The following GNAZ variants were observed in gnomAD, a reference collection of about 807,000 sequenced individuals.
GNAZ encodes G protein subunit alpha z, also known as guanine nucleotide-binding protein G(z) subunit alpha.
Under a neutral mutation model 25.4 loss-of-function variants are expected in GNAZ, and 3 were observed. The ratio of observed to expected loss-of-function variants is 0.12; its 90% CI spans 0.05 to 0.30. The LOEUF is 0.30. Among genes scored for constraint, GNAZ ranks in the 10% least tolerant of loss-of-function variants. The probability of loss-of-function intolerance (pLI) is 1.00; values close to 1 mark genes in which losing one functional copy is unlikely to be tolerated. For synonymous variants in GNAZ, 211 were observed against 205.7 expected, an observed-to-expected ratio of 1.03 and a Z score of -0.22; for missense variants, 241 against 501.8, an observed-to-expected ratio of 0.48 and a Z score of 4.97.
At chr22:23,090,657 T>G (rs1190275738) in intron 1 of GNAZ, among the ~76,000 whole-genome samples, 2 of 152,318 alleles carry the variant, frequency 1.3e-5, no homozygotes, top group East Asian at 3.9e-4. Context: ...CCCTGATGCC[T>G]GCTTGCCTCC....
chr22:23,111,857 G>C lies in GNAZ; in HGVS notation c.724-11230G>C, dbSNP rs528489655. On this transcript the variant is annotated intron_variant, in intron 2 of 2. Coordinates refer to ENST00000615612, the MANE Select transcript of GNAZ (RefSeq NM_002073.4). ...CAGTCCTCAGATCCCGGTGGCAGTG[G>C]GCAGTGGGCTGTCTGAAACCAAGGT... Among the ~76,000 whole-genome samples, 5 of 152,312 alleles carry C rather than the reference G, an allele frequency of 3.3e-5. No individual in the cohort carries two copies. The East Asian group carries it at 9.6e-4, about 29-fold the overall frequency.
intron 1 of GNAZ, among the ~76,000 whole-genome samples, chr22:23,092,324 G>A (rs1423504748): frequency 1.3e-5 from 2 of 152,118 alleles, no homozygotes; most frequent in African/African-American, 4.8e-5. Context: ...GGCTCCCAAC[G>A]CAAGGCTTCC....
Position 23,095,491 on chromosome 22 carries a change from C to A in GNAZ, c.-205C>A. ...AGTGTCACTAGTGGGGAGGGGCGGCCACCGCCCGCTGCACAGAGCGCCATG... is the reference window on the plus strand; with the variant it reads ...AGTGTCACTAGTGGGGAGGGGCGGCAACCGCCCGCTGCACAGAGCGCCATG... On this transcript the variant is annotated 5_prime_UTR_variant, in exon 2 of 3. Transcript: ENST00000615612. 1.7e-6 allele frequency: 1 copy of A among 593,100 alleles called. No individual in the cohort carries two copies. The highest frequency in any genetic ancestry group is 2.9e-6 in the Non-Finnish European group (1 of 341,738). The allele number at this position is 593,100 out of a possible 1,614,324, so 36.7% of individuals were successfully genotyped here.
intron 2 of GNAZ, among the ~76,000 whole-genome samples, chr22:23,099,804 C>G (rs1344926037): frequency 6.6e-6 from 1 of 152,220 alleles, no homozygotes; most frequent in African/African-American, 2.4e-5. Flanking sequence ...CCTACCAGCC[C>G]ACACTGAGGG....
At chr22:23,111,990 C>T (rs2069671521) in intron 2 of GNAZ, among the ~76,000 whole-genome samples, 1 of 152,210 alleles carries the variant, frequency 6.6e-6, no homozygotes, top group Non-Finnish European at 1.5e-5. Context: ...TAGACCAGTC[C>T]TCTGTCCCTT....
chr22:23,096,916 C>T (rs937022757), intron 2 of GNAZ, among the ~76,000 whole-genome samples: 1 of 152,174 alleles, frequency 6.6e-6, no homozygotes, highest in Non-Finnish European at 1.5e-5. Context: ...GGGCGCAGCC[C>T]GAGGGAGACC....
intron 2 of GNAZ, among the ~76,000 whole-genome samples, chr22:23,114,180 G>T (rs143841975): frequency 5.1e-4 from 78 of 152,354 alleles, no homozygotes; most frequent in African/African-American, 1.8e-3. Flanking sequence ...TGGCCGCAGG[G>T]CTGGCCTGTC....
rs1312425370 is a variant in GNAZ, at chr22:23,095,609, T to C, written c.-87T>C. ...GAGTGCCTCCAGGGCAGCTGGGCTC[T>C]TGTCTGCCTGGTCTCAGTGTCCCCT... is the stretch of plus-strand genomic sequence containing the variant. On this transcript the variant is annotated 5_prime_UTR_variant, in exon 2 of 3. Transcript: ENST00000615612. 10 of 1,457,182 alleles carry C rather than the reference T, an allele frequency of 6.9e-6. No individual in the cohort carries two copies. The South Asian group carries it at 1.1e-4, about 16-fold the overall frequency. 90.3% of individuals were successfully genotyped at this position (1,457,182 alleles called of 1,614,324 possible).
rs2070093988 is a variant in GNAZ at position 23,123,615 on chromosome 22, A to G, written c.*184A>G. 8.4e-6 allele frequency: 5 copies of G among 598,006 alleles called. No homozygotes were observed. In the East Asian group the frequency reaches 1.4e-4, roughly 17 times the overall value. The allele number at this position is 598,006 out of a possible 1,614,324, so 37.0% of individuals were successfully genotyped here. A position where few individuals can be genotyped will look rare whatever the true frequency, so the allele number is the denominator to read the frequency against. ...CATAAATATTTACGGATAGATTGCTAGGTAGATAGACACACACACATGCAC... is the reference window on the plus strand; with the variant it reads ...CATAAATATTTACGGATAGATTGCTGGGTAGATAGACACACACACATGCAC... On this transcript the variant is annotated 3_prime_UTR_variant, in exon 3 of 3. Coordinates refer to ENST00000615612, the MANE Select transcript of GNAZ (RefSeq NM_002073.4).
intron 1 of GNAZ, among the ~76,000 whole-genome samples, chr22:23,084,682 A>G (rs2068769256): frequency 6.6e-6 from 1 of 152,146 alleles, no homozygotes; most frequent in Non-Finnish European, 1.5e-5. Flanking sequence ...CCATGATGCA[A>G]TGCAGCCTTG....
intron 2 of GNAZ, among the ~76,000 whole-genome samples, chr22:23,107,585 C>T (rs2069518784): frequency 6.6e-6 from 1 of 152,088 alleles, no homozygotes; most frequent in Admixed American, 6.6e-5. Flanking sequence ...CTGCAGGTGG[C>T]AGCAGCTGGG....
chr22:23,081,564 G>A (rs1449862471), intron 1 of GNAZ, among the ~76,000 whole-genome samples: 3 of 150,958 alleles, frequency 2.0e-5, no homozygotes, highest in Middle Eastern at 3.2e-3. Context: ...GTTCATGCCT[G>A]TAATCCCAGC....
chr22:23,114,224 C>G (rs1363894675), intron 2 of GNAZ, among the ~76,000 whole-genome samples: 2 of 152,186 alleles, frequency 1.3e-5, no homozygotes, highest in East Asian at 1.9e-4. Context: ...GTCTACAACC[C>G]CGCCCCACAG....
chr22:23,100,635 C>T (rs944969648), intron 2 of GNAZ, among the ~76,000 whole-genome samples: 1 of 152,238 alleles, frequency 6.6e-6, no homozygotes, highest in Admixed American at 6.5e-5. Context: ...AGCCTCAGCA[C>T]ACCACGAGGG....
intron 1 of GNAZ, among the ~76,000 whole-genome samples, chr22:23,081,674 T>C (rs2068681132): frequency 6.6e-6 from 1 of 151,708 alleles, no homozygotes; most frequent in African/African-American, 2.4e-5. Context: ...ATACAAAAAT[T>C]AGCCAGCCAT....
intron 2 of GNAZ, among the ~76,000 whole-genome samples, chr22:23,102,712 G>A (rs1259002807): frequency 6.6e-6 from 1 of 152,230 alleles, no homozygotes; most frequent in Admixed American, 6.5e-5. Flanking sequence ...CTCCATGATG[G>A]TCACCTCCTG....
At position 23,123,504 on chromosome 22, in the gene GNAZ, GC is replaced by G; in HGVS notation, c.*76del. ...TCATGCCCCAACGCGTGCTAGAGAG[GC>G]CCAATCCAGGGGCAGAAAACAGGGG... On this transcript the variant is annotated 3_prime_UTR_variant, in exon 3 of 3. Transcript: ENST00000615612. 1.0e-6 allele frequency: 1 copy of G among 957,960 alleles called. No individual in the cohort carries two copies. The highest frequency in any genetic ancestry group is 1.6e-6 in the Non-Finnish European group (1 of 631,964). The allele number at this position is 957,960 out of a possible 1,614,324, so 59.3% of individuals were successfully genotyped here.
intron 1 of GNAZ, among the ~76,000 whole-genome samples, chr22:23,087,232 G>A (rs1042478038): frequency 6.6e-6 from 1 of 152,202 alleles, no homozygotes; most frequent in African/African-American, 2.4e-5. Flanking sequence ...TTGGGAGGCT[G>A]AGGCAGGAGG....
At chr22:23,097,635 C>T (rs1226681703) in intron 2 of GNAZ, among the ~76,000 whole-genome samples, 1 of 152,266 alleles carries the variant, frequency 6.6e-6, no homozygotes, top group African/African-American at 2.4e-5. Flanking sequence ...TATCTGTGTG[C>T]TCTCCAGGGT....
Sources: gnomAD v4.1 joint callset for allele counts (sites outside exome capture counted in the v4.1 genomes callset) on GRCh38, gnomAD v4.1.1 for gene constraint, MANE v1.5 for transcripts, NCBI Gene and HGNC (gene_info 2026-07-23, HGNC 2026-07-21) for gene names.